The following FUT8 variants were observed in gnomAD, a reference collection of about 807,000 sequenced individuals.
The protein encoded by FUT8 is alpha-(1,6)-fucosyltransferase.
FUT8 carries 29 observed loss-of-function variants against 71.3 expected under a neutral mutation model. The ratio of observed to expected loss-of-function variants is 0.41; its 90% CI spans 0.30 to 0.55. FUT8 has a LOEUF of 0.55. Ranked by LOEUF, FUT8 falls within the 20% of genes least tolerant of loss-of-function variation. The probability of loss-of-function intolerance (pLI) is 0.34; values close to 1 mark genes in which losing one functional copy is unlikely to be tolerated. For missense variants in FUT8, 544 were observed against 702.1 expected, an observed-to-expected ratio of 0.77 and a Z score of 2.55; for synonymous variants, 254 against 239.3, an observed-to-expected ratio of 1.06 and a Z score of -0.57.
intron 1 of FUT8, among the ~76,000 whole-genome samples, chr14:65,446,211 GTTTGCC>G: frequency 6.6e-6 from 1 of 152,314 alleles, no homozygotes; most frequent in Middle Eastern, 3.4e-3. Flanking sequence ...ACCCTGGGCT[GTTTGCC>G]TTGTAGAGTT....
At chr14:65,548,432 T>C (rs1324306055) in intron 2 of FUT8, among the ~76,000 whole-genome samples, 2 of 152,098 alleles carry the variant, frequency 1.3e-5, no homozygotes, top group Admixed American at 1.3e-4. Context: ...CTAACTAGTA[T>C]TCCTTTGTTT....
intron 3 of FUT8, among the ~76,000 whole-genome samples, chr14:65,612,187 A>G (rs1387239718): frequency 2.0e-5 from 3 of 152,104 alleles, no homozygotes; most frequent in African/African-American, 7.2e-5. Flanking sequence ...CTTGTTTGTT[A>G]CTAGAAGGTC....
chr14:65,509,142 A>G (rs545039813), intron 2 of FUT8, among the ~76,000 whole-genome samples: 1 of 152,220 alleles, frequency 6.6e-6, no homozygotes, highest in African/African-American at 2.4e-5. Context: ...TCTTCTGCAT[A>G]TATATATCCA....
At chr14:65,385,743 T>C in the FUT8 span, among the ~76,000 whole-genome samples, 1 of 152,182 alleles carries the variant, frequency 6.6e-6, no homozygotes, top group Non-Finnish European at 1.5e-5. Flanking sequence ...TGTCTTGCCA[T>C]GTTGCCCAGG....
At chr14:65,372,432 T>C in the FUT8 span, among the ~76,000 whole-genome samples, 401 of 152,260 alleles carry the variant, frequency 2.6e-3, 1 homozygote, top group African/African-American at 9.2e-3. Context: ...TTTTTTTCTT[T>C]TGGGACAGAG....
chr14:65,485,734 G>A (rs2066399558), intron 2 of FUT8, among the ~76,000 whole-genome samples: 1 of 152,158 alleles, frequency 6.6e-6, no homozygotes, highest in Non-Finnish European at 1.5e-5. Flanking sequence ...CTTTCCCGGG[G>A]CTAGCTACCT....
chr14:65,709,477 T>A (rs143301640), intron 7 of FUT8, among the ~76,000 whole-genome samples: 8 of 152,252 alleles, frequency 5.3e-5, no homozygotes, highest in Non-Finnish European at 1.2e-4. Flanking sequence ...AAAAAGAAAG[T>A]CTCAGTTTGG....
rs1889156384 is a variant in FUT8 at position 65,614,111 on chromosome 14, C to CCA, written c.204-1867_204-1866insCA. 2.2e-5 allele frequency among the ~76,000 whole-genome samples: 3 copies of CCA among 134,460 alleles called. 1 individual carries two copies. The highest frequency in any genetic ancestry group is 1.6e-5 in the Non-Finnish European group (1 of 62,670). The allele number at this position is 134,460 out of a possible 152,430, so 88.2% of individuals were successfully genotyped here. On this transcript the variant is annotated intron_variant, in intron 3 of 10. Coordinates refer to ENST00000673929, the MANE Select transcript of FUT8 (RefSeq NM_001371533.1). ...CCTGGGTGACAAATCGAGACTGTGT[C>CCA]AAAAAAAAAAAAAAAAGACTGTGTT...
rs148096982 is a variant in FUT8 at position 65,636,273 on chromosome 14, A to T, written c.597+6667A>T. Reference sequence around the variant, plus strand: ...TGCCAATGATCTATCAATTTTATTTATCTGTTCAAAGAACCTGCTTTTTGT... The same window carrying T: ...TGCCAATGATCTATCAATTTTATTTTTCTGTTCAAAGAACCTGCTTTTTGT... On this transcript the variant is annotated intron_variant, in intron 6 of 10. Coordinates refer to ENST00000673929, the MANE Select transcript of FUT8 (RefSeq NM_001371533.1). 5.4e-3 allele frequency among the ~76,000 whole-genome samples: 809 copies of T among 151,168 alleles called. 18 individuals carry two copies. Among genetic ancestry groups the T allele is most frequent in the Admixed American group, 0.048 (734 of 15,204 alleles).
the FUT8 span, among the ~76,000 whole-genome samples, chr14:65,358,655 G>A: frequency 4.6e-5 from 7 of 152,092 alleles, no homozygotes; most frequent in African/African-American, 9.6e-5. Flanking sequence ...TCTCCGTGTC[G>A]TCCAGGCTGG....
intron 7 of FUT8, among the ~76,000 whole-genome samples, chr14:65,711,471 G>T (rs1894809469): frequency 6.6e-6 from 1 of 152,084 alleles, no homozygotes; most frequent in African/African-American, 2.4e-5. Flanking sequence ...TGAGACTAGG[G>T]TTTTCCTTCC....
At chr14:65,380,831 A>AGTCAAT in the FUT8 span, among the ~76,000 whole-genome samples, 1 of 152,270 alleles carries the variant, frequency 6.6e-6, no homozygotes, top group Admixed American at 6.5e-5. Context: ...AGAAAGGGAC[A>AGTCAAT]GTCAATGTCA....
the FUT8 span, among the ~76,000 whole-genome samples, chr14:65,369,949 G>A: frequency 6.6e-6 from 1 of 151,966 alleles, no homozygotes. This position sits in a 1 kb window ranked among gnomAD's most constrained non-coding sequence, Gnocchi z 4.6. Context: ...CTTTCTTGCT[G>A]GAGGTCCAAG....
At chr14:65,393,504 T>C in the FUT8 span, among the ~76,000 whole-genome samples, 1 of 152,138 alleles carries the variant, frequency 6.6e-6, no homozygotes, top group Non-Finnish European at 1.5e-5. Flanking sequence ...AAGACAAAGA[T>C]AGTGAGTGGG....
chr14:65,684,225 T>A (rs190920215), intron 7 of FUT8, among the ~76,000 whole-genome samples: 4 of 152,216 alleles, frequency 2.6e-5, no homozygotes. Flanking sequence ...ATTTTAGTAG[T>A]GGAATTATCT....
intron 3 of FUT8, among the ~76,000 whole-genome samples, chr14:65,572,361 A>G (rs1004551644): frequency 5.3e-5 from 8 of 152,208 alleles, no homozygotes; most frequent in East Asian, 1.9e-4. Flanking sequence ...TTTAATCCCT[A>G]TAGCAGCCCT....
At chr14:65,587,004 C>T (rs370338773) in intron 3 of FUT8, among the ~76,000 whole-genome samples, 3 of 151,852 alleles carry the variant, frequency 2.0e-5, no homozygotes, top group South Asian at 2.1e-4. Context: ...CTGGCTAACA[C>T]GGTGAAACCC....
chr14:65,526,138 A>T (rs1244703573), intron 2 of FUT8, among the ~76,000 whole-genome samples: 4 of 152,178 alleles, frequency 2.6e-5, no homozygotes, highest in Admixed American at 2.0e-4. Flanking sequence ...TGTCTCATTG[A>T]TCTGTCTGAT....
At chr14:65,496,913 G>A (rs1362108869) in intron 2 of FUT8, among the ~76,000 whole-genome samples, 2 of 152,004 alleles carry the variant, frequency 1.3e-5, no homozygotes, top group Non-Finnish European at 2.9e-5. Context: ...CTTGAATTCT[G>A]TCTCTGACCC....
Sources: gnomAD v4.1 joint callset for allele counts (sites outside exome capture counted in the v4.1 genomes callset) on GRCh38, gnomAD v4.1.1 for gene constraint, Gnocchi (gnomAD v3.1) non-coding constraint, MANE v1.5 for transcripts, NCBI Gene and HGNC (gene_info 2026-07-23, HGNC 2026-07-21) for gene names.